Variants in RELN observed in about 807,000 individuals in gnomAD.
RELN encodes reelin.
In RELN, 108 loss-of-function variants were observed where a neutral mutation model predicts 427.6. The observed-to-expected ratio is 0.25, with a 90% CI of 0.22 to 0.30. The LOEUF (loss-of-function observed/expected upper bound fraction) is 0.30, where lower values mean the gene tolerates loss of function less well. Ranked by LOEUF, RELN falls within the 10% of genes least tolerant of loss-of-function variation. The pLI, the probability that RELN is intolerant of heterozygous loss-of-function variation, is 1.00. For missense variants in RELN, 3,715 were observed against 4,302.8 expected, an observed-to-expected ratio of 0.86 and a Z score of 3.82; for synonymous variants, 1,524 against 1,513.4, an observed-to-expected ratio of 1.01 and a Z score of -0.16.
At chr7:103,611,462 T>C in intron 21 of RELN, 149 bp downstream of exon 21, 1 of 634,792 alleles carries the variant, frequency 1.6e-6, no homozygotes, top group Non-Finnish European at 2.8e-6. Context: ...TTTGCTGACT[T>C]TATGTTAATT....
intron 4 of RELN, among the ~76,000 whole-genome samples, chr7:103,762,774 C>T (rs1332021695): frequency 6.6e-6 from 1 of 152,158 alleles, no homozygotes; most frequent in Non-Finnish European, 1.5e-5. Flanking sequence ...TATTTCTTTT[C>T]ACTTTCCTTT....
chr7:103,519,997 G>A (rs1012679658), intron 48 of RELN, among the ~76,000 whole-genome samples: 2 of 152,032 alleles, frequency 1.3e-5, no homozygotes, highest in Non-Finnish European at 2.9e-5. Context: ...TGAAATTTCA[G>A]CATTCAAGAC....
rs146878632 is a variant in RELN at position 103,965,281 on chromosome 7, C to T, written c.226+23850G>A. Among the ~76,000 whole-genome samples the T allele has an allele frequency of 2.7e-3, 407 of 152,170 alleles. 3 individuals are homozygous for T. The highest frequency in any genetic ancestry group is 0.01 in the Middle Eastern group (3 of 294). ...ATAGGCTGCCTAGCACAAAGTGCAT[C>T]AAATAAATGTTATAAATTAATATAT... On this transcript the variant is annotated intron_variant, in intron 1 of 64. Transcript: ENST00000428762.
At chr7:103,629,621 T>G (rs983929576) in intron 20 of RELN, among the ~76,000 whole-genome samples, 31 of 137,582 alleles carry the variant, frequency 2.3e-4, no homozygotes, top group Non-Finnish European at 4.5e-5. Context: ...ACTAACACTT[T>G]TTGAAGAGGT....
intron 52 of RELN, among the ~76,000 whole-genome samples, chr7:103,501,222 T>G (rs1359183386): frequency 6.6e-6 from 1 of 152,224 alleles, no homozygotes; most frequent in Non-Finnish European, 1.5e-5. Flanking sequence ...GTAACTTTCA[T>G]AAATCAGGTT....
intron 26 of RELN, 26 bp downstream of exon 26, chr7:103,594,295 C>T: frequency 6.3e-7 from 1 of 1,598,480 alleles, no homozygotes; most frequent in Non-Finnish European, 8.6e-7. Context: ...TATCTGTCTT[C>T]TTGGAGTTCA....
chr7:103,772,643 C>G (rs1791598213), intron 4 of RELN, among the ~76,000 whole-genome samples: 1 of 152,152 alleles, frequency 6.6e-6, no homozygotes, highest in Non-Finnish European at 1.5e-5. Context: ...CAGGGTCTGA[C>G]AGCCCGAGTT....
intron 11 of RELN, among the ~76,000 whole-genome samples, chr7:103,680,374 T>C (rs886545309): frequency 1.7e-4 from 26 of 152,082 alleles, no homozygotes; most frequent in Admixed American, 1.7e-3. Context: ...AAGAGGGTGA[T>C]TTAATCCCTG....
intron 56 of RELN, 50 bp from the exon 57 acceptor site, chr7:103,495,948 A>T (rs760991223): frequency 1.9e-6 from 3 of 1,584,504 alleles, no homozygotes; most frequent in African/African-American, 2.7e-5. Context: ...CTTGAGGAAA[A>T]TTGGAAGCAA....
chr7:103,979,483 CTCAT>C (rs1178113087), intron 1 of RELN, among the ~76,000 whole-genome samples: 1 of 152,196 alleles, frequency 6.6e-6, no homozygotes, highest in East Asian at 1.9e-4. Flanking sequence ...TGCTTTTTTT[CTCAT>C]TCAAATTAGC....
intron 1 of RELN, among the ~76,000 whole-genome samples, chr7:103,986,992 T>C (rs750247879): frequency 3.4e-5 from 5 of 148,466 alleles, no homozygotes; most frequent in Admixed American, 6.9e-5. Flanking sequence ...TTTAAATTAA[T>C]TTTCAAAAGC....
chr7:103,970,719 T>G (rs1298003287), intron 1 of RELN, among the ~76,000 whole-genome samples: 1 of 152,222 alleles, frequency 6.6e-6, no homozygotes, highest in Non-Finnish European at 1.5e-5. Context: ...AACAAAGTTA[T>G]GTATTGATGC....
chr7:103,914,631 CTTA>C (rs1795443807), intron 2 of RELN, among the ~76,000 whole-genome samples: 1 of 152,014 alleles, frequency 6.6e-6, no homozygotes, highest in Non-Finnish European at 1.5e-5. Flanking sequence ...TACCCAGCAT[CTTA>C]TGAAGAAGGT....
intron 55 of RELN, among the ~76,000 whole-genome samples, chr7:103,496,977 G>C (rs1161919977): frequency 6.6e-6 from 1 of 152,158 alleles, no homozygotes; most frequent in African/African-American, 2.4e-5. Context: ...TATTTCGAAA[G>C]AGTTGGCCAA....
intron 10 of RELN, among the ~76,000 whole-genome samples, chr7:103,683,694 T>A (rs1020496295): frequency 2.4e-4 from 36 of 152,148 alleles, no homozygotes; most frequent in African/African-American, 8.7e-4. Flanking sequence ...TATTTGAAAA[T>A]CATAATAAGC....
chr7:103,872,733 C>A (rs1794378033), intron 2 of RELN, among the ~76,000 whole-genome samples: 1 of 148,380 alleles, frequency 6.7e-6, no homozygotes, highest in African/African-American at 2.4e-5. Flanking sequence ...CTGTTGTTTC[C>A]TGACTTTTTA....
At chr7:103,566,178 C>T (rs751730492) in intron 33 of RELN, 46 bp downstream of exon 33, 96 of 1,494,678 alleles carry the variant, frequency 6.4e-5, no homozygotes, top group East Asian at 2.3e-5. Context: ...TAATTTAGTC[C>T]TCTAGTTAAT....
chr7:103,583,050 A>G (rs984353332), intron 28 of RELN, among the ~76,000 whole-genome samples: 13 of 152,162 alleles, frequency 8.5e-5, no homozygotes, highest in Non-Finnish European at 1.2e-4. Context: ...TTTCATTCAC[A>G]TTTCATTTAG....
chr7:103,765,409 C>G (rs262335), intron 4 of RELN, among the ~76,000 whole-genome samples: 6,265 of 152,136 alleles, frequency 0.041, 205 homozygotes, highest in African/African-American at 0.095. Context: ...ACACACCTTG[C>G]CTGGGGTCTG....
Sources: gnomAD v4.1 joint callset for allele counts (sites outside exome capture counted in the v4.1 genomes callset) on GRCh38, gnomAD v4.1.1 for gene constraint, MANE v1.5 for transcripts, NCBI Gene and HGNC (gene_info 2026-07-23, HGNC 2026-07-21) for gene names.